The following METTL15 variants were observed in gnomAD, a reference collection of about 807,000 sequenced individuals.
METTL15 encodes the protein 12S rRNA N(4)-cytidine methyltransferase METTL15.
A neutral mutation model predicts 38.3 loss-of-function variants in METTL15; 34 were observed. The observed-to-expected ratio is 0.89, with a 90% CI of 0.68 to 1.18. METTL15 has a LOEUF of 1.18. METTL15 is among the 50% of genes most tolerant of loss of function. The probability of loss-of-function intolerance (pLI) is 0.00; values close to 1 mark genes in which losing one functional copy is unlikely to be tolerated. For synonymous variants in METTL15, 162 were observed against 170.9 expected, an observed-to-expected ratio of 0.95 and a Z score of 0.41; for missense variants, 438 against 498.4, an observed-to-expected ratio of 0.88 and a Z score of 1.15.
chr11:28,469,291 G>C (rs757239079), intron 6 of METTL15, among the ~76,000 whole-genome samples: 1 of 152,024 alleles, frequency 6.6e-6, no homozygotes, highest in Non-Finnish European at 1.5e-5. Flanking sequence ...ACAAGTAAGA[G>C]TTGTATATAT....
chr11:28,266,060 C>T (rs1296271702), intron 4 of METTL15, among the ~76,000 whole-genome samples: 1 of 152,102 alleles, frequency 6.6e-6, no homozygotes, highest in Admixed American at 6.6e-5. Flanking sequence ...CAGGAAACAA[C>T]AGGTGCTGGA....
intron 5 of METTL15, among the ~76,000 whole-genome samples, chr11:28,370,789 G>A (rs1381185242): frequency 6.6e-6 from 1 of 151,686 alleles, no homozygotes; most frequent in African/African-American, 2.4e-5. Context: ...TTTTTTATTT[G>A]CATTTCTCTA....
At chr11:28,339,132 A>G (rs1176106254) in intron 3 of METTL15, among the ~76,000 whole-genome samples, 2 of 152,140 alleles carry the variant, frequency 1.3e-5, no homozygotes, top group African/African-American at 2.4e-5. Context: ...CCTAGACACT[A>G]GAGTCCCTAA....
intron 3 of METTL15, among the ~76,000 whole-genome samples, chr11:28,196,636 T>G (rs1851919238): frequency 6.6e-6 from 1 of 151,980 alleles, no homozygotes; most frequent in Admixed American, 6.6e-5. Context: ...GATCATATCA[T>G]TGGCAAACAA....
chr11:28,316,503 A>T (rs1473151458), intron 6 of METTL15, among the ~76,000 whole-genome samples: 1 of 152,172 alleles, frequency 6.6e-6, no homozygotes, highest in African/African-American at 2.4e-5. Context: ...CTCAGATGAG[A>T]CATTGGACTG....
intron 6 of METTL15, among the ~76,000 whole-genome samples, chr11:28,487,956 C>A (rs1031110783): frequency 1.3e-5 from 2 of 152,124 alleles, no homozygotes; most frequent in Non-Finnish European, 2.9e-5. Flanking sequence ...TTTGTAACTT[C>A]TTTGGGTACA....
At chr11:28,241,949 A>C (rs1237596885) in intron 4 of METTL15, among the ~76,000 whole-genome samples, 2 of 152,324 alleles carry the variant, frequency 1.3e-5, no homozygotes, top group African/African-American at 4.8e-5. Flanking sequence ...ATGGGAAATC[A>C]TTGCAGAGTT....
At chr11:28,443,217 C>A (rs1851049344) in intron 6 of METTL15, among the ~76,000 whole-genome samples, 1 of 151,878 alleles carries the variant, frequency 6.6e-6, no homozygotes. Flanking sequence ...AACCTAGCAG[C>A]ATCTTTTGAC....
intron 6 of METTL15, among the ~76,000 whole-genome samples, chr11:28,441,258 T>C (rs1055151968): frequency 3.2e-4 from 49 of 152,056 alleles, no homozygotes; most frequent in African/African-American, 1.1e-3. Flanking sequence ...TGTATTTTTT[T>C]AGTAGAGACA....
At chr11:28,125,493 CA>C (rs1852437842) in intron 3 of METTL15, 2 of 151,908 alleles carry the variant, frequency 1.3e-5, no homozygotes, top group African/African-American at 4.8e-5. Flanking sequence ...AATTTTGTTT[CA>C]TTTTTTTTAT....
intron 3 of METTL15, among the ~76,000 whole-genome samples, chr11:28,348,632 C>T (rs1320756438): frequency 1.3e-5 from 2 of 152,038 alleles, no homozygotes; most frequent in African/African-American, 4.8e-5. Flanking sequence ...TCCCAAAGTG[C>T]TGAAATTACA....
chr11:28,250,995 A>G (rs568530017), intron 4 of METTL15, among the ~76,000 whole-genome samples: 2 of 151,972 alleles, frequency 1.3e-5, no homozygotes, highest in African/African-American at 2.4e-5. Flanking sequence ...AATCAACACT[A>G]TCAGATCTGG....
chr11:28,379,185 ATTG>A (rs1564912846), intron 5 of METTL15, among the ~76,000 whole-genome samples: 5 of 130,346 alleles, frequency 3.8e-5, no homozygotes, highest in Non-Finnish European at 8.2e-5. Flanking sequence ...GATCTTCTGT[ATTG>A]TTAATTTAGT....
intron 3 of METTL15, among the ~76,000 whole-genome samples, chr11:28,207,800 C>G (rs908796555): frequency 6.6e-6 from 1 of 152,102 alleles, no homozygotes; most frequent in African/African-American, 2.4e-5. Flanking sequence ...TGTTATTGGT[C>G]TTTTCAGAGA....
At chr11:28,134,685 A>G (rs1590784380) in intron 3 of METTL15, 3 of 398,044 alleles carry the variant, frequency 7.5e-6, no homozygotes, top group Non-Finnish European at 8.9e-6. Context: ...ATGTCCATGC[A>G]TGGTTTCATT....
At chr11:28,142,302 C>T (rs949328373) in intron 3 of METTL15, among the ~76,000 whole-genome samples, 1 of 151,980 alleles carries the variant, frequency 6.6e-6, no homozygotes, top group African/African-American at 2.4e-5. Flanking sequence ...TTGGTCACTT[C>T]AAAGTTACTT....
chr11:28,319,777 A>G (rs1433180842), intron 6 of METTL15, among the ~76,000 whole-genome samples: 3 of 152,208 alleles, frequency 2.0e-5, no homozygotes, highest in Non-Finnish European at 4.4e-5. Flanking sequence ...TTGTGGGTAA[A>G]CAAAGTTATA....
intron 6 of METTL15, among the ~76,000 whole-genome samples, chr11:28,493,505 T>C (rs2086095373): frequency 6.6e-6 from 1 of 152,234 alleles, no homozygotes; most frequent in South Asian, 2.1e-4. Context: ...CAGTGTGCTC[T>C]AGCTTTAAAT....
At chr11:28,516,606 A>C (rs1407585776) in intron 6 of METTL15, among the ~76,000 whole-genome samples, 1 of 152,212 alleles carries the variant, frequency 6.6e-6, no homozygotes, top group Non-Finnish European at 1.5e-5. Flanking sequence ...CTGAGAAAAT[A>C]AGATGCCCTT....
Sources: allele counts gnomAD v4.1 joint callset (sites outside exome capture counted in the v4.1 genomes callset), GRCh38; gene constraint gnomAD v4.1.1; transcripts MANE v1.5; gene names NCBI Gene and HGNC (gene_info 2026-07-23, HGNC 2026-07-21).